HSP90AB1: variants seen among roughly 807,000 people sequenced by gnomAD.
The protein encoded by HSP90AB1 is heat shock protein 90 alpha family class B member 1.
A neutral mutation model predicts 67.8 loss-of-function variants in HSP90AB1; 17 were observed. The observed-to-expected ratio is 0.25, with a 90% CI of 0.17 to 0.38. The LOEUF is 0.38. HSP90AB1 is among the 10% of genes least tolerant of loss of function. The pLI is 1.00. For synonymous variants in HSP90AB1, 390 were observed against 312.9 expected, an observed-to-expected ratio of 1.25 and a Z score of -2.60; for missense variants, 690 against 899.9, an observed-to-expected ratio of 0.77 and a Z score of 2.98.
intron 7 of HSP90AB1, 54 bp downstream of exon 7, chr6:44,251,267 C>T (rs950789227): frequency 3.1e-5 from 49 of 1,589,682 alleles, no homozygotes; most frequent in African/African-American, 3.0e-4. Context: ...AGGTTTTAGG[C>T]ATTCTGCTAG....
chr6:44,246,648 G>A (rs892409088), upstream of HSP90AB1, among the ~76,000 whole-genome samples: 1 of 152,354 alleles, frequency 6.6e-6, no homozygotes, highest in African/African-American at 2.4e-5. Flanking sequence ...TCCCTCTGTC[G>A]GGACGCGAGA....
In HSP90AB1 at chr6:44,248,741, A is replaced by T; in HGVS notation, c.112A>T (p.Ile38Phe). 6.2e-7 allele frequency: 1 copy of T among 1,613,574 alleles called. No individual in the cohort carries two copies. Among genetic ancestry groups the T allele is most frequent in the African/African-American group, 1.3e-5 (1 of 74,886 alleles). ...CAATACCTTCTATTCCAACAAGGAG[A>T]TTTTCCTTCGGGAGTTGATCTCTAA... ...IINTFYSNKE[I>F]FLRELISNAS... Residue 38 changes from isoleucine (I) to phenylalanine (F), a missense_variant, in exon 2 of 12, where the codon ATT (isoleucine) becomes TTT (phenylalanine). Physicochemically the swap from Ile to Phe is conservative, Grantham distance 21. This residue lies in a region of HSP90AB1 where 88 missense variants were observed against 167.7 expected (regional missense o/e 0.52). Coordinates refer to ENST00000371646, the MANE Select transcript of HSP90AB1 (RefSeq NM_007355.4).
At chr6:44,252,467 C>T (rs1757853061) in intron 10 of HSP90AB1, among the ~76,000 whole-genome samples, 200 bp downstream of exon 10, 1 of 152,012 alleles carries the variant, frequency 6.6e-6, no homozygotes, top group Admixed American at 6.6e-5. Context: ...CAGTTAACTT[C>T]TGAGAGTAGA....
At chr6:44,246,938 GT>G (rs1779962362), upstream of HSP90AB1, 1 of 152,322 alleles carries the variant, frequency 6.6e-6, no homozygotes, top group Non-Finnish European at 1.5e-5. Flanking sequence ...CGTTGCTTGG[GT>G]TCTTCCCCGC....
chr6:44,249,454 C>T lies in HSP90AB1; in HGVS notation c.225C>T (p.Ile75=). Reference sequence around the variant, plus strand: ...GTGGTAAAGAGCTGAAAATTGACATCATCCCCAACCCTCAGGAACGTACCC... The same window carrying T: ...GTGGTAAAGAGCTGAAAATTGACATTATCCCCAACCCTCAGGAACGTACCC... ...LDSGKELKID[I]IPNPQERTLT... is the part of the protein sequence containing the mutation. The change falls in exon 3 of 12, where the codon ATC becomes ATT. Residue 75 remains isoleucine (I), a synonymous_variant. Coordinates refer to ENST00000371646, the MANE Select transcript of HSP90AB1 (RefSeq NM_007355.4). 6.2e-7 allele frequency: 1 copy of T among 1,613,992 alleles called. No homozygotes were observed. Among genetic ancestry groups the T allele is most frequent in the Non-Finnish European group, 8.5e-7 (1 of 1,179,890 alleles).
At chr6:44,250,190 T>C (rs753149980) in intron 5 of HSP90AB1, 36 bp downstream of exon 5, 1 of 1,613,742 alleles carries the variant, frequency 6.2e-7, no homozygotes, top group South Asian at 1.1e-5. Context: ...ACACTTAACG[T>C]GCAGGATGTT....
Position 44,252,345 on chromosome 6 carries a change from T to G in HSP90AB1, c.1731+78T>G, listed in dbSNP as rs1163373673. The G allele has an allele frequency of 3.8e-5, 52 of 1,350,764 alleles. No individual in the cohort carries two copies. The East Asian group carries it at 1.1e-3, about 29-fold the overall frequency. 83.7% of individuals were successfully genotyped at this position (1,350,764 alleles called of 1,614,324 possible). A position where few individuals can be genotyped will look rare whatever the true frequency, so the allele number is the denominator to read the frequency against. ...CCTCACAAGCATGTTTCTATACAAT[T>G]AGTGGTTTGAGGCAGCCTATTTACT... On this transcript the variant is annotated intron_variant, in intron 10 of 11. Coordinates refer to ENST00000371646, the MANE Select transcript of HSP90AB1 (RefSeq NM_007355.4).
chr6:44,250,684 C>A, intron 6 of HSP90AB1, 85 bp downstream of exon 6: 2 of 762,530 alleles, frequency 2.6e-6, no homozygotes, highest in Non-Finnish European at 4.5e-6. Context: ...AATAGACACA[C>A]GGAACTTGTC....
At chr6:44,246,353 G>C (rs972280506), upstream of HSP90AB1, 2 of 152,318 alleles carry the variant, frequency 1.3e-5, no homozygotes, top group African/African-American at 2.4e-5. Context: ...AGGTCAGAGC[G>C]GGTCGCCGGG....
chr6:44,252,076 A>T lies in HSP90AB1; in HGVS notation c.1540A>T (p.Thr514Ser). ...RKRGFEVVYM[T>S]EPIDEYCVQQ... ...ACGGGGCTTCGAGGTGGTATATATG[A>T]CCGAGCCCATTGACGAGTACTGTGT... Residue 514 changes from threonine (T) to serine (S), a missense_variant, in exon 10 of 12, where the codon ACC becomes TCC. Around this residue, in one of 7 missense-constraint regions of HSP90AB1, gnomAD observed 206 missense variants for 221.4 expected, o/e 0.93. Transcript: ENST00000371646. 2 of 1,614,132 alleles carry T rather than the reference A, an allele frequency of 1.2e-6. No homozygotes were observed. Among genetic ancestry groups the T allele is most frequent in the Non-Finnish European group, 1.7e-6 (2 of 1,180,022 alleles).
At chr6:44,247,569 G>T (rs1246666206) in intron 1 of HSP90AB1, among the ~76,000 whole-genome samples, 1 of 152,210 alleles carries the variant, frequency 6.6e-6, no homozygotes, top group Non-Finnish European at 1.5e-5. Context: ...TGGCGGGGGT[G>T]CCCGCTCGGG....
intron 1 of HSP90AB1, among the ~76,000 whole-genome samples, chr6:44,248,300 C>A (rs577450066): frequency 2.0e-5 from 3 of 152,192 alleles, no homozygotes; most frequent in Non-Finnish European, 2.9e-5. Flanking sequence ...TCTCTAGATA[C>A]CTGGGTTGGA....
At chr6:44,250,748 TCATA>T in intron 6 of HSP90AB1, 149 bp downstream of exon 6, 1 of 639,702 alleles carries the variant, frequency 1.6e-6, no homozygotes, top group Non-Finnish European at 2.8e-6. Flanking sequence ...GATTACCCTG[TCATA>T]GTGAAGTGCC....
At chr6:44,251,669 T>C in intron 8 of HSP90AB1, 61 bp downstream of exon 8, 1 of 1,591,924 alleles carries the variant, frequency 6.3e-7, no homozygotes, top group Middle Eastern at 1.7e-4. Flanking sequence ...AATAAATTAT[T>C]CCATTCACAT....
chr6:44,252,183 G>A lies in HSP90AB1; in HGVS notation c.1647G>A (p.Glu549=), dbSNP rs146175316. 1.1e-5 allele frequency: 18 copies of A among 1,613,916 alleles called. No homozygotes were observed. Among genetic ancestry groups the A allele is most frequent in the African/African-American group, 9.3e-5 (7 of 74,936 alleles). The change falls in exon 10 of 12, where the codon GAG becomes GAA. Residue 549 remains glutamate (E), a synonymous_variant. Transcript: ENST00000371646. ...TGGAGCTGCCTGAGGATGAGGAGGA[G>A]AAGAAGAAGATGGAAGAGAGCAAGG... The part of the protein sequence containing the change: ...EGLELPEDEE[E]KKKMEESKAK...
intron 6 of HSP90AB1, 95 bp from the exon 7 acceptor site, chr6:44,250,953 C>A: frequency 1.8e-6 from 2 of 1,116,866 alleles, no homozygotes; most frequent in South Asian, 1.3e-5. Flanking sequence ...ATCCCTTAGG[C>A]TTAGGGAGGA....
chr6:44,251,566 G>T lies in HSP90AB1; in HGVS notation c.1272G>T (p.Glu424Asp), dbSNP rs753531999. The change falls in exon 8 of 12, where the codon GAG becomes GAT. Residue 424 changes from glutamate (E) to aspartate (D), a missense_variant. Around this residue, in one of 7 missense-constraint regions of HSP90AB1, gnomAD observed 206 missense variants for 221.4 expected, o/e 0.93. Transcript: ENST00000371646. The part of the protein sequence containing the change: ...ELFSELAEDK[E>D]NYKKFYEAFS... ...TCTCTGAGCTGGCAGAAGACAAGGA[G>T]AATTACAAGAAATTCTATGAGGCAT... The T allele has an allele frequency of 6.2e-7, 1 of 1,608,930 alleles. No homozygotes were observed. The highest frequency in any genetic ancestry group is 8.5e-7 in the Non-Finnish European group (1 of 1,176,890).
intron 11 of HSP90AB1, 45 bp from the exon 12 acceptor site, chr6:44,253,443 CT>C: frequency 6.2e-7 from 1 of 1,604,910 alleles, no homozygotes; most frequent in South Asian, 1.1e-5. Flanking sequence ...ATGGATTTGA[CT>C]TAATGCTATT....
chr6:44,252,644 C>T lies in HSP90AB1; in HGVS notation c.1731+377C>T, dbSNP rs75933449. 4.6e-4 allele frequency among the ~76,000 whole-genome samples: 70 copies of T among 152,256 alleles called. No homozygotes were observed. The East Asian group carries it at 0.011, about 24-fold the overall frequency. Reference sequence around the variant, plus strand: ...CTGAGTAGCTGCCACTACAGGCGCCCGCCACCACACCCCGGCTAATTTTTT... The same window carrying T: ...CTGAGTAGCTGCCACTACAGGCGCCTGCCACCACACCCCGGCTAATTTTTT... On this transcript the variant is annotated intron_variant, in intron 10 of 11. Coordinates refer to ENST00000371646, the MANE Select transcript of HSP90AB1 (RefSeq NM_007355.4).
Sources: allele counts gnomAD v4.1 joint callset (sites outside exome capture counted in the v4.1 genomes callset), GRCh38; gene constraint gnomAD v4.1.1; regional missense constraint gnomAD v4.1.1; transcripts MANE v1.5; gene names NCBI Gene and HGNC (gene_info 2026-07-23, HGNC 2026-07-21).